Variants in PLEKHH2 observed in about 807,000 individuals in gnomAD.
PLEKHH2 encodes pleckstrin homology domain-containing family H member 2.
In PLEKHH2, 129 loss-of-function variants were observed where a neutral mutation model predicts 187.9. That is an observed-to-expected ratio of 0.69 (90% CI 0.59 to 0.79). The LOEUF (loss-of-function observed/expected upper bound fraction) is 0.79, where lower values mean the gene tolerates loss of function less well. Among genes scored for constraint, PLEKHH2 ranks in the 30% least tolerant of loss-of-function variants. The pLI is 0.00. For missense variants in PLEKHH2, 2,076 were observed against 1,751.2 expected (o/e 1.19, Z -3.31); for synonymous variants, 686 against 605.6 (o/e 1.13, Z -1.95).
In PLEKHH2 at chr2:43,764,328, C is replaced by T; in HGVS notation, c.4259C>T (p.Pro1420Leu). The T allele has an allele frequency of 6.2e-7, 1 of 1,611,664 alleles. No homozygotes were observed. Among genetic ancestry groups the T allele is most frequent in the Non-Finnish European group, 8.5e-7 (1 of 1,178,870 alleles). Residue 1420 changes from proline to leucine, a missense_variant, in exon 29 of 30, where the codon CCA becomes CTA. Pro to Leu is a moderately conservative substitution (Grantham distance 98). Coordinates refer to ENST00000282406, the MANE Select transcript of PLEKHH2 (RefSeq NM_172069.4). ...VINNTHSKDK[P>L]TEKLLFAMAK... ...AACAATACACATTCAAAGGACAAACCAACAGAGAAATTACTTTTTGCCATG... is the reference window on the plus strand; with the variant it reads ...AACAATACACATTCAAAGGACAAACTAACAGAGAAATTACTTTTTGCCATG...
In PLEKHH2 at chr2:43,762,319, T is replaced by C; in HGVS notation, c.4087T>C (p.Ser1363Pro). 6.2e-7 allele frequency: 1 copy of C among 1,611,840 alleles called. No homozygotes were observed. Among genetic ancestry groups the C allele is most frequent in the Non-Finnish European group, 8.5e-7 (1 of 1,177,976 alleles). Reference protein sequence around the residue: ...LFLAKPITPSSLGSTFLWLAV... With the variant: ...LFLAKPITPSPLGSTFLWLAV... ...CTCTTCATAGCCCATAACTCCATCA[T>C]CACTTGGAAGTACTTTCTTGTGGCT... Residue 1363 changes from serine (S) to proline (P), a missense_variant, in exon 28 of 30, where the codon TCA (serine) becomes CCA (proline). Physicochemically the swap from Ser to Pro is moderately conservative, Grantham distance 74. Coordinates refer to ENST00000282406, the MANE Select transcript of PLEKHH2 (RefSeq NM_172069.4).
At chr2:43,732,293 A>G (rs554966655) in intron 19 of PLEKHH2, among the ~76,000 whole-genome samples, 1 of 152,034 alleles carries the variant, frequency 6.6e-6, no homozygotes, top group African/African-American at 2.4e-5. Context: ...AACCCAGGAG[A>G]TGGAGGTTGC....
rs765524039 is a variant in PLEKHH2 at position 43,757,159 on chromosome 2, C to G, written c.3836C>G (p.Ala1279Gly). The change falls in exon 26 of 30, where the codon GCA (alanine) becomes GGA (glycine). Residue 1279 changes from alanine to glycine, a missense_variant. Physicochemically the swap from Ala to Gly is moderately conservative, Grantham distance 60. Coordinates refer to ENST00000282406, the MANE Select transcript of PLEKHH2 (RefSeq NM_172069.4). ...TTTGAAAGACCTTTCTCAACTCCAG[C>G]AGGGCATGTTACCAATCAGTGCAAA... ...GDFERPFSTPAGHVTNQCKVN... is the reference protein window; with the variant it reads ...GDFERPFSTPGGHVTNQCKVN... The G allele has an allele frequency of 1.3e-6, 2 of 1,597,206 alleles. No homozygotes were observed. The highest frequency in any genetic ancestry group is 2.3e-5 in the East Asian group (1 of 43,872).
intron 25 of PLEKHH2, among the ~76,000 whole-genome samples, chr2:43,754,750 G>A (rs1253815767): frequency 3.9e-5 from 6 of 151,978 alleles, no homozygotes; most frequent in East Asian, 1.9e-4. Context: ...GGCTCTTCAC[G>A]CTACACTCTG....
At chr2:43,710,672 GTTTC>G in intron 14 of PLEKHH2, 97 bp downstream of exon 14, 1 of 1,475,202 alleles carries the variant, frequency 6.8e-7, no homozygotes, top group South Asian at 1.4e-5. Context: ...ATAATTCAGT[GTTTC>G]TTTATTCACT....
rs200254711 is a variant in PLEKHH2 at position 43,713,070 on chromosome 2, A to G, written c.2460+687A>G. 5.9e-5 allele frequency among the ~76,000 whole-genome samples: 9 copies of G among 151,520 alleles called. No individual in the cohort carries two copies. In the East Asian group the frequency reaches 1.3e-3, roughly 23 times the overall value. The stretch of plus-strand genomic sequence containing the variant: ...GGCTGAAGTGTTAACTTAGCCAATA[A>G]TTTTGAGTGAACAAATCAATATCAA... On this transcript the variant is annotated intron_variant, in intron 15 of 29. Transcript: ENST00000282406.
intron 1 of PLEKHH2, among the ~76,000 whole-genome samples, chr2:43,641,299 A>T (rs938660959): frequency 6.6e-6 from 1 of 152,120 alleles, no homozygotes; most frequent in Admixed American, 6.5e-5. Context: ...TTTTTCTTCG[A>T]TTCCTTGTGC....
intron 1 of PLEKHH2, among the ~76,000 whole-genome samples, chr2:43,644,110 G>C (rs1026620615): frequency 2.0e-5 from 3 of 152,012 alleles, no homozygotes; most frequent in Non-Finnish European, 4.4e-5. Context: ...GACTTAACCT[G>C]GACCTGGCCA....
chr2:43,697,301 A>G lies in PLEKHH2; in HGVS notation c.633A>G (p.Glu211=). 1 of 1,613,976 alleles carries G rather than the reference A, an allele frequency of 6.2e-7. No homozygotes were observed. The highest frequency in any genetic ancestry group is 8.5e-7 in the Non-Finnish European group (1 of 1,179,876). Residue 211 remains glutamate, a synonymous_variant, in exon 7 of 30, where the codon GAA becomes GAG. Transcript: ENST00000282406. The part of the protein sequence containing the change: ...RSPPQVVKSE[E]MSKISSKEPE... ...CTCCTCAAGTAGTAAAATCTGAGGA[A>G]ATGAGCAAGATATCATCGAAAGAAC...
chr2:43,726,861 G>C (rs911726051), intron 17 of PLEKHH2, among the ~76,000 whole-genome samples: 9 of 151,906 alleles, frequency 5.9e-5, no homozygotes, highest in African/African-American at 1.9e-4. Flanking sequence ...TGATAAAGGA[G>C]GTATCACAAA....
At chr2:43,682,126 A>G (rs1164393612) in intron 3 of PLEKHH2, among the ~76,000 whole-genome samples, 1 of 152,132 alleles carries the variant, frequency 6.6e-6, no homozygotes, top group Non-Finnish European at 1.5e-5. Context: ...CCATTATTAT[A>G]TACTATACTA....
chr2:43,727,651 G>C (rs1056089056), intron 17 of PLEKHH2, among the ~76,000 whole-genome samples: 1 of 151,984 alleles, frequency 6.6e-6, no homozygotes. Context: ...CATGTATCAG[G>C]CCAAGTGCTA....
At chr2:43,756,395 C>T (rs545368691) in intron 25 of PLEKHH2, among the ~76,000 whole-genome samples, 2 of 152,088 alleles carry the variant, frequency 1.3e-5, no homozygotes, top group East Asian at 1.9e-4. Flanking sequence ...TGGGTTCAAG[C>T]GATTCTTCTG....
At chr2:43,707,745 GT>G (rs11297394) in intron 11 of PLEKHH2, among the ~76,000 whole-genome samples, 200 bp downstream of exon 11, 20,897 of 149,374 alleles carry the variant, frequency 0.14, 2,516 homozygotes, top group African/African-American at 0.33. Context: ...AAATTATATA[GT>G]TTTTTTTTTT....
chr2:43,749,742 A>G (rs975781315), intron 24 of PLEKHH2, among the ~76,000 whole-genome samples: 2 of 152,250 alleles, frequency 1.3e-5, no homozygotes, highest in African/African-American at 4.8e-5. Context: ...AGCTTAGACA[A>G]TGAGCCCTAA....
chr2:43,740,434 G>A lies in PLEKHH2; in HGVS notation c.3124-512G>A, dbSNP rs116424261. On this transcript the variant is annotated intron_variant, in intron 20 of 29. Transcript: ENST00000282406. ...TAGAAAGGAGAATACAGAACAGAGC[G>A]AAGGAAAAATAAAAATCACATATAT... Among the ~76,000 whole-genome samples, 1,010 of 152,196 alleles carry A rather than the reference G, an allele frequency of 6.6e-3. 14 individuals carry two copies. The highest frequency in any genetic ancestry group is 0.023 in the African/African-American group (968 of 41,532).
At chr2:43,706,176 C>G (rs1192713115) in intron 9 of PLEKHH2, 146 bp from the exon 10 acceptor site, 1 of 660,914 alleles carries the variant, frequency 1.5e-6, no homozygotes, top group African/African-American at 1.8e-5. Context: ...ATGCCATAAT[C>G]TGTAAAGTAG....
In PLEKHH2 at chr2:43,700,621, C is replaced by A. The variant is rs750312007; in HGVS notation, c.1650+13C>A. 9.2e-5 allele frequency: 146 copies of A among 1,595,078 alleles called. No individual in the cohort carries two copies. The highest frequency in any genetic ancestry group is 1.2e-4 in the Non-Finnish European group (139 of 1,174,592). ...TTTTCCTTCTTGGGTAATTATATCA[C>A]CGCATGTAACACATACGCAGTAGTT... is the stretch of plus-strand genomic sequence containing the variant. On this transcript the variant is annotated intron_variant, in intron 8 of 29. Transcript: ENST00000282406.
Position 43,675,329 on chromosome 2 carries a change from C to T in PLEKHH2, c.124-3534C>T, listed in dbSNP as rs1341495165. On this transcript the variant is annotated intron_variant, in intron 2 of 29. Coordinates refer to ENST00000282406, the MANE Select transcript of PLEKHH2 (RefSeq NM_172069.4). Reference sequence around the variant, plus strand: ...ACTGTATCAGAATTTGGACTAGCCACATTTCAAGTGCTCTTGGACAGCACA... The same window carrying T: ...ACTGTATCAGAATTTGGACTAGCCATATTTCAAGTGCTCTTGGACAGCACA... 10 of 1,362,002 alleles carry T rather than the reference C, an allele frequency of 7.3e-6. No homozygotes were observed. The African/African-American group carries it at 1.5e-4, about 20-fold the overall frequency. The allele number at this position is 1,362,002 out of a possible 1,614,324, so 84.4% of individuals were successfully genotyped here. A position where few individuals can be genotyped will look rare whatever the true frequency, so the allele number is the denominator to read the frequency against.
Sources: allele counts gnomAD v4.1 joint callset (sites outside exome capture counted in the v4.1 genomes callset), GRCh38; gene constraint gnomAD v4.1.1; transcripts MANE v1.5; gene names NCBI Gene and HGNC (gene_info 2026-07-23, HGNC 2026-07-21).